Variants in KLF12 observed in about 807,000 individuals in gnomAD.
The protein encoded by KLF12 is KLF transcription factor 12.
Under a neutral mutation model 37.8 loss-of-function variants are expected in KLF12, and 9 were observed. The observed-to-expected ratio is 0.24, with a 90% CI of 0.14 to 0.42. KLF12 has a LOEUF of 0.42. KLF12 is among the 10% of genes least tolerant of loss of function. The probability of loss-of-function intolerance (pLI) is 1.00; values close to 1 mark genes in which losing one functional copy is unlikely to be tolerated. For missense variants in KLF12, 411 were observed against 516.0 expected (o/e 0.80, Z 1.97); for synonymous variants, 208 against 202.1 (o/e 1.03, Z -0.25).
intron 3 of KLF12, among the ~76,000 whole-genome samples, chr13:73,860,236 C>A (rs888381360): frequency 3.3e-5 from 5 of 152,330 alleles, no homozygotes; most frequent in South Asian, 2.1e-4. Flanking sequence ...AAATTAGATG[C>A]CACTCTTCTG....
chr13:73,884,063 CTACT>C (rs758582707), intron 3 of KLF12, among the ~76,000 whole-genome samples: 7 of 152,168 alleles, frequency 4.6e-5, no homozygotes, highest in Non-Finnish European at 8.8e-5. Flanking sequence ...TTTAACTCCC[CTACT>C]TAGTTTCCAA....
At chr13:73,734,737 T>C (rs190095464) in intron 6 of KLF12, among the ~76,000 whole-genome samples, 35 of 152,312 alleles carry the variant, frequency 2.3e-4, no homozygotes, top group Non-Finnish European at 4.3e-4. Flanking sequence ...TGCCCTGCAC[T>C]GTGCTATGAA....
chr13:74,063,169 T>C (rs1436894314), intron 1 of KLF12, among the ~76,000 whole-genome samples: 2 of 152,202 alleles, frequency 1.3e-5, no homozygotes, highest in Non-Finnish European at 2.9e-5. Flanking sequence ...AACAGGCCAG[T>C]TGGCAGAACT....
chr13:74,202,246 A>C, the KLF12 span, among the ~76,000 whole-genome samples: 176 of 152,216 alleles, frequency 1.2e-3, 1 homozygote, highest in African/African-American at 4.1e-3. Flanking sequence ...GGGAGGGAGA[A>C]TTTTACTTGC....
intron 1 of KLF12, among the ~76,000 whole-genome samples, chr13:74,023,489 G>A (rs982551632): frequency 2.6e-5 from 4 of 152,160 alleles, no homozygotes; most frequent in East Asian, 3.9e-4. Flanking sequence ...GTAGGGCCAC[G>A]TTCTCTCTGA....
Position 73,693,541 on chromosome 13 carries a change from A to G in KLF12, c.*1949T>C, listed in dbSNP as rs919473704. On this transcript the variant is annotated 3_prime_UTR_variant, in exon 8 of 8. Coordinates refer to ENST00000377669, the MANE Select transcript of KLF12 (RefSeq NM_007249.5). ...AAAAAATTCCTTTTGAATACCATCCAACACAAATTGTCCTTGTTTCAACGT... is the reference window on the plus strand; with the variant it reads ...AAAAAATTCCTTTTGAATACCATCCGACACAAATTGTCCTTGTTTCAACGT... 6.6e-6 allele frequency: 1 copy of G among 152,324 alleles called. No individual in the cohort carries two copies. Among genetic ancestry groups the G allele is most frequent in the Non-Finnish European group, 1.5e-5 (1 of 68,038 alleles). The allele number at this position is 152,324 out of a possible 1,614,324, so 9.4% of individuals were successfully genotyped here.
At chr13:73,880,035 G>A (rs1886903896) in intron 3 of KLF12, among the ~76,000 whole-genome samples, 1 of 152,090 alleles carries the variant, frequency 6.6e-6, no homozygotes, top group Non-Finnish European at 1.5e-5. Context: ...CGTTCTGCCT[G>A]GAGCATGGTT....
At chr13:74,097,032 G>A (rs1876022241) in intron 1 of KLF12, among the ~76,000 whole-genome samples, 1 of 152,076 alleles carries the variant, frequency 6.6e-6, no homozygotes, top group Non-Finnish European at 1.5e-5. Flanking sequence ...TCACCTCTCT[G>A]AACTACAGTT....
At chr13:74,242,987 C>T in the KLF12 span, among the ~76,000 whole-genome samples, 1 of 152,140 alleles carries the variant, frequency 6.6e-6, no homozygotes, top group African/African-American at 2.4e-5. Context: ...ATATGCAGAA[C>T]GTGCAGGATT....
At chr13:73,721,865 T>C (rs1351961186) in intron 6 of KLF12, among the ~76,000 whole-genome samples, 1 of 152,112 alleles carries the variant, frequency 6.6e-6, no homozygotes, top group Non-Finnish European at 1.5e-5. Flanking sequence ...CATATTTTCT[T>C]AAAGTTGTTA....
chr13:73,993,535 TAAAG>T (rs759593068), intron 2 of KLF12, among the ~76,000 whole-genome samples: 1 of 152,086 alleles, frequency 6.6e-6, no homozygotes, highest in Non-Finnish European at 1.5e-5. Context: ...AACAAAAACA[TAAAG>T]AAATACTATC....
intron 3 of KLF12, among the ~76,000 whole-genome samples, chr13:73,859,308 GT>G (rs1299874176): frequency 6.6e-6 from 1 of 152,176 alleles, no homozygotes; most frequent in Non-Finnish European, 1.5e-5. Context: ...AGTTTTACAA[GT>G]GAAGAAATTC....
At chr13:73,717,324 C>T (rs1053284461) in intron 6 of KLF12, among the ~76,000 whole-genome samples, 1 of 152,068 alleles carries the variant, frequency 6.6e-6, no homozygotes, top group African/African-American at 2.4e-5. Flanking sequence ...AATAAACAAA[C>T]CAAAAAACAG....
chr13:73,946,577 G>A (rs567653635), intron 2 of KLF12, among the ~76,000 whole-genome samples: 5 of 150,754 alleles, frequency 3.3e-5, no homozygotes, highest in Non-Finnish European at 7.4e-5. Flanking sequence ...TTAGTTTCAC[G>A]TACAAGTGAA....
chr13:73,775,365 T>C (rs1326616718), intron 5 of KLF12, among the ~76,000 whole-genome samples: 1 of 152,202 alleles, frequency 6.6e-6, no homozygotes, highest in African/African-American at 2.4e-5. Context: ...GAAGGCATTT[T>C]CAAAGGTTGA....
At chr13:73,805,898 G>C (rs1284484156) in intron 5 of KLF12, among the ~76,000 whole-genome samples, 1 of 151,950 alleles carries the variant, frequency 6.6e-6, no homozygotes, top group African/African-American at 2.4e-5. Context: ...TCCACCTCCT[G>C]GGTTCAAGTG....
intron 3 of KLF12, among the ~76,000 whole-genome samples, chr13:73,890,849 T>C (rs1887473091): frequency 6.6e-6 from 1 of 152,166 alleles, no homozygotes; most frequent in South Asian, 2.1e-4. Context: ...CTTAGTCCTT[T>C]TCTGCCTAGA....
At chr13:73,699,533 A>C (rs543729529) in intron 7 of KLF12, among the ~76,000 whole-genome samples, 1 of 152,352 alleles carries the variant, frequency 6.6e-6, no homozygotes, top group East Asian at 1.9e-4. Flanking sequence ...TGAAGGTCAC[A>C]TGGTATGAAG....
the KLF12 span, among the ~76,000 whole-genome samples, chr13:74,148,042 G>C: frequency 2.0e-5 from 3 of 151,870 alleles, no homozygotes; most frequent in Non-Finnish European, 2.9e-5. Context: ...CTCCCAAGTA[G>C]CTGGGATTAC....
Sources: allele counts gnomAD v4.1 joint callset (sites outside exome capture counted in the v4.1 genomes callset), GRCh38; gene constraint gnomAD v4.1.1; transcripts MANE v1.5; gene names NCBI Gene and HGNC (gene_info 2026-07-23, HGNC 2026-07-21).